Variants in HNRNPC observed in about 807,000 individuals in gnomAD.
The protein encoded by HNRNPC is heterogeneous nuclear ribonucleoproteins C1/C2.
In HNRNPC, 3 loss-of-function variants were observed where a neutral mutation model predicts 33.2. The observed-to-expected ratio is 0.09, with a 90% CI of 0.04 to 0.23. HNRNPC has a LOEUF of 0.23. Among genes scored for constraint, HNRNPC ranks in the 10% least tolerant of loss-of-function variants. The pLI, the probability that HNRNPC is intolerant of heterozygous loss-of-function variation, is 1.00. For synonymous variants in HNRNPC, 121 were observed against 126.7 expected (o/e 0.96, Z 0.30); for missense variants, 143 against 366.7 (o/e 0.39, Z 4.98).
intron 2 of HNRNPC, among the ~76,000 whole-genome samples, chr14:21,262,170 C>T (rs185190908): frequency 3.4e-4 from 51 of 152,188 alleles, no homozygotes; most frequent in Admixed American, 7.8e-4. Flanking sequence ...GTTGTATCTC[C>T]TATGGTTTGA....
At chr14:21,230,610 A>G (rs1894004270) in intron 4 of HNRNPC, 2 of 530,134 alleles carry the variant, frequency 3.8e-6, no homozygotes, top group Non-Finnish European at 6.7e-6. Flanking sequence ...CGACATAGCT[A>G]AACTAAACAC....
intron 5 of HNRNPC, among the ~76,000 whole-genome samples, chr14:21,224,093 T>A (rs988245900): frequency 6.6e-6 from 1 of 152,082 alleles, no homozygotes; most frequent in African/African-American, 2.4e-5. Flanking sequence ...TACATATATA[T>A]AAACAAACCC....
intron 2 of HNRNPC, among the ~76,000 whole-genome samples, chr14:21,244,803 T>G (rs1273835218): frequency 6.6e-6 from 1 of 152,150 alleles, no homozygotes; most frequent in Non-Finnish European, 1.5e-5. Flanking sequence ...CTGCATAGCA[T>G]GCACAGTACT....
chr14:21,241,927 T>C (rs1895392121), intron 2 of HNRNPC, among the ~76,000 whole-genome samples: 2 of 152,180 alleles, frequency 1.3e-5, no homozygotes, highest in South Asian at 2.1e-4. Context: ...GTTTAAGTAT[T>C]AGAACTAAGA....
At chr14:21,236,199 C>A (rs1254272727) in intron 2 of HNRNPC, among the ~76,000 whole-genome samples, 1 of 152,078 alleles carries the variant, frequency 6.6e-6, no homozygotes, top group Non-Finnish European at 1.5e-5. Context: ...AGAAAAGCAT[C>A]CAGGCATACA....
chr14:21,228,427 T>C (rs968511212), intron 5 of HNRNPC, among the ~76,000 whole-genome samples: 2 of 152,206 alleles, frequency 1.3e-5, no homozygotes, highest in Non-Finnish European at 2.9e-5. Flanking sequence ...AGTCTCACTC[T>C]GTCACCCAGG....
chr14:21,241,814 A>G (rs989444692), intron 2 of HNRNPC, among the ~76,000 whole-genome samples: 2 of 152,240 alleles, frequency 1.3e-5, no homozygotes, highest in African/African-American at 4.8e-5. Context: ...CTGTGAGAGT[A>G]ATCTCTGAGA....
intron 2 of HNRNPC, among the ~76,000 whole-genome samples, chr14:21,256,485 T>C (rs1594320342): frequency 6.6e-6 from 1 of 152,134 alleles, no homozygotes; most frequent in East Asian, 1.9e-4. Flanking sequence ...CAATACATTT[T>C]AGGATCAATC....
In HNRNPC at chr14:21,211,015, A is replaced by C. The variant is rs533144936; in HGVS notation, c.*208T>G. 9 of 590,436 alleles carry C rather than the reference A, an allele frequency of 1.5e-5. No homozygotes were observed. The highest frequency in any genetic ancestry group is 1.5e-4 in the Admixed American group (5 of 33,590). 36.6% of individuals were successfully genotyped at this position (590,436 alleles called of 1,614,324 possible). A position where few individuals can be genotyped will look rare whatever the true frequency, so the allele number is the denominator to read the frequency against. ...AAGCAAAAATTACAGGGTAAGACTT[A>C]ACAAAACTACTAGGAGCGTCAAAGG... On this transcript the variant is annotated 3_prime_UTR_variant, in exon 9 of 9. Transcript: ENST00000553300.
chr14:21,222,040 CAAAAAAAAAAAAAA>C (rs71112558), intron 5 of HNRNPC, among the ~76,000 whole-genome samples: 5 of 65,694 alleles, frequency 7.6e-5, no homozygotes, highest in South Asian at 8.7e-4. Flanking sequence ...GACTCCGTCT[CAAAAAAAAAAAAAA>C]AAAAAAAAAA....
intron 2 of HNRNPC, among the ~76,000 whole-genome samples, chr14:21,252,950 C>G (rs900564325): frequency 6.7e-6 from 1 of 148,672 alleles, no homozygotes; most frequent in East Asian, 2.0e-4. Flanking sequence ...CCGAGGCCGG[C>G]AGATCACAAG....
In HNRNPC at chr14:21,260,744, C is replaced by T. The variant is rs373085003; in HGVS notation, c.-37+2567G>A. On this transcript the variant is annotated intron_variant, in intron 2 of 8. Transcript: ENST00000553300. ...CTTTGGGAGGCCGAGGCGGGCAGAC[C>T]ATGAGATCAGGAGTTTGAGACCAGC... Among the ~76,000 whole-genome samples the T allele has an allele frequency of 2.1e-3, 312 of 152,092 alleles. 2 individuals carry two copies. Among genetic ancestry groups the T allele is most frequent in the African/African-American group, 6.9e-3 (287 of 41,472 alleles).
At chr14:21,244,489 T>C (rs1478989233) in intron 2 of HNRNPC, among the ~76,000 whole-genome samples, 1 of 152,218 alleles carries the variant, frequency 6.6e-6, no homozygotes, top group Non-Finnish European at 1.5e-5. Context: ...CCTTTCTCAC[T>C]TACCAATGGT....
intron 2 of HNRNPC, 73 bp downstream of exon 2, chr14:21,263,238 A>G (rs1878502183): frequency 6.6e-6 from 1 of 152,562 alleles, no homozygotes; most frequent in African/African-American, 2.4e-5. Context: ...AGTAATAGTA[A>G]CTAGTAACAA....
At chr14:21,253,766 G>C (rs1008671189) in intron 2 of HNRNPC, among the ~76,000 whole-genome samples, 4 of 151,636 alleles carry the variant, frequency 2.6e-5, no homozygotes, top group Admixed American at 6.6e-5. Flanking sequence ...ACAAACTTAA[G>C]AACTTTTTAA....
intron 5 of HNRNPC, among the ~76,000 whole-genome samples, chr14:21,226,858 T>G (rs1281784977): frequency 4.8e-5 from 5 of 103,934 alleles, no homozygotes; most frequent in Non-Finnish European, 8.6e-5. Context: ...CCAGCCTGAG[T>G]GCCAGAAAAG....
rs1161151062 is a variant in HNRNPC, at chr14:21,210,409, G to A, written c.*814C>T. On this transcript the variant is annotated 3_prime_UTR_variant, in exon 9 of 9. Transcript: ENST00000553300. Reference sequence around the variant, plus strand: ...TGCATCTCAATGAAATATAATTTGAGTAGTGTTGTGTTGGTATGCATCATG... The same window carrying A: ...TGCATCTCAATGAAATATAATTTGAATAGTGTTGTGTTGGTATGCATCATG... 2 of 152,456 alleles carry A rather than the reference G, an allele frequency of 1.3e-5. No homozygotes were observed. The highest frequency in any genetic ancestry group is 4.8e-5 in the African/African-American group (2 of 41,442). 9.4% of individuals were successfully genotyped at this position (152,456 alleles called of 1,614,324 possible).
intron 5 of HNRNPC, among the ~76,000 whole-genome samples, chr14:21,222,086 G>T (rs1333175343): frequency 8.9e-6 from 1 of 112,492 alleles, no homozygotes; most frequent in African/African-American, 3.3e-5. Flanking sequence ...CACATGAAAA[G>T]ACATTCAATA....
rs565515512 is a variant in HNRNPC, at chr14:21,230,299, T to C, written c.365+20A>G. 7 of 1,564,502 alleles carry C rather than the reference T, an allele frequency of 4.5e-6. No homozygotes were observed. Among genetic ancestry groups the C allele is most frequent in the Non-Finnish European group, 5.3e-6 (6 of 1,136,686 alleles). ...TCACTAAATAGCTGTTTAGCAGAAATACAAAACATTTTAACATACCTATCA... is the reference window on the plus strand; with the variant it reads ...TCACTAAATAGCTGTTTAGCAGAAACACAAAACATTTTAACATACCTATCA... On this transcript the variant is annotated intron_variant, in intron 5 of 8. Transcript: ENST00000553300.
Sources: allele counts gnomAD v4.1 joint callset (sites outside exome capture counted in the v4.1 genomes callset), GRCh38; gene constraint gnomAD v4.1.1; transcripts MANE v1.5; gene names NCBI Gene and HGNC (gene_info 2026-07-23, HGNC 2026-07-21).